The following MAP3K15 variants were observed in gnomAD, a reference collection of about 807,000 sequenced individuals.
MAP3K15 encodes the protein mitogen-activated protein kinase kinase kinase 15, also known as MAPK/ERK kinase kinase 15.
MAP3K15 carries 124 observed loss-of-function variants against 99.5 expected under a neutral mutation model. The observed-to-expected ratio is 1.25, with a 90% CI of 1.08 to 1.45. The LOEUF (loss-of-function observed/expected upper bound fraction) is 1.45. Ranked by LOEUF, MAP3K15 falls within the 40% of genes most tolerant of loss-of-function variation. The probability of loss-of-function intolerance (pLI) is 0.00; values close to 1 mark genes in which losing one functional copy is unlikely to be tolerated. For synonymous variants in MAP3K15, 494 were observed against 439.6 expected, an observed-to-expected ratio of 1.12 and a Z score of -1.55; for missense variants, 1,242 against 1,079.7, an observed-to-expected ratio of 1.15 and a Z score of -2.11.
intron 11 of MAP3K15, among the ~76,000 whole-genome samples, chrX:19,412,542 A>G (rs1433075179): frequency 9.0e-6 from 1 of 111,003 alleles, no homozygotes; most frequent in African/African-American, 3.3e-5. Flanking sequence ...CCGCAGGGAC[A>G]GCTCAGGGGC....
intron 1 of MAP3K15, among the ~76,000 whole-genome samples, chrX:19,507,075 T>C (rs1300314113): frequency 8.9e-6 from 1 of 111,793 alleles, no homozygotes; most frequent in Admixed American, 9.5e-5. Context: ...TTTAAGCAGT[T>C]AATAGCTAAC....
chrX:19,380,409 A>G lies in MAP3K15; in HGVS notation c.2432-132T>C, dbSNP rs866752787. ...CCAGGTGTTGGAGACCAGCCTGGACAATGTAACAAGACCTTGTCTCAAAAA... is the reference window on the plus strand; with the variant it reads ...CCAGGTGTTGGAGACCAGCCTGGACGATGTAACAAGACCTTGTCTCAAAAA... On this transcript the variant is annotated intron_variant, in intron 18 of 28. Coordinates refer to ENST00000338883, the MANE Select transcript of MAP3K15 (RefSeq NM_001001671.4). The G allele has an allele frequency of 4.8e-6, 3 of 619,273 alleles. No homozygotes were observed. The South Asian group carries it at 8.6e-5, about 18-fold the overall frequency. 51.0% of individuals were successfully genotyped at this position (619,273 alleles called of 1,213,427 possible). A position where few individuals can be genotyped will look rare whatever the true frequency, so the allele number is the denominator to read the frequency against.
intron 6 of MAP3K15, among the ~76,000 whole-genome samples, chrX:19,432,894 G>A (rs187706076): frequency 9.0e-6 from 1 of 110,819 alleles, no homozygotes; most frequent in East Asian, 2.9e-4. Context: ...TTTTTGTAAT[G>A]TTAATAGAGG....
chrX:19,364,571 A>G (rs1436528854), intron 25 of MAP3K15, among the ~76,000 whole-genome samples: 1 of 111,118 alleles, frequency 9.0e-6, no homozygotes, highest in Non-Finnish European at 1.9e-5. Flanking sequence ...TACGACTCTA[A>G]CTTTCCCTCC....
At chrX:19,413,515 C>T in intron 10 of MAP3K15, 51 bp from the exon 11 acceptor site, 2 of 967,593 alleles carry the variant, frequency 2.1e-6, no homozygotes, top group South Asian at 2.2e-5. Flanking sequence ...AAACATAGCG[C>T]ACCCTGCCCA....
chrX:19,401,782 T>C (rs895048537), intron 13 of MAP3K15, among the ~76,000 whole-genome samples: 2 of 112,335 alleles, frequency 1.8e-5, no homozygotes, highest in Non-Finnish European at 3.8e-5. Flanking sequence ...CAAGTCATCT[T>C]GACTCATTAG....
At chrX:19,457,958 G>C (rs1383637748) in intron 5 of MAP3K15, among the ~76,000 whole-genome samples, 1 of 111,978 alleles carries the variant, frequency 8.9e-6, no homozygotes, top group Non-Finnish European at 1.9e-5. Flanking sequence ...CTTGGGTTGA[G>C]AACCACTGCT....
rs1330351180 is a variant in MAP3K15, at chrX:19,371,017, G to A, written c.3342C>T (p.Phe1114=). The A allele has an allele frequency of 6.9e-6, 8 of 1,161,637 alleles. No individual in the cohort carries two copies. Among genetic ancestry groups the A allele is most frequent in the Non-Finnish European group, 9.1e-6 (8 of 878,867 alleles). Residue 1114 remains phenylalanine (F), a synonymous_variant, in exon 24 of 29, where the codon TTC becomes TTT. Coordinates refer to ENST00000338883, the MANE Select transcript of MAP3K15 (RefSeq NM_001001671.4). ...RNHLIRPHWM[F]AMDNIIRRAV... ...CTCGGCGGATGATGTTGTCCATCGC[G>A]AACATCCAGTGGGGCCTAATTAAGT...
intron 13 of MAP3K15, among the ~76,000 whole-genome samples, chrX:19,406,979 G>T (rs186126488): frequency 3.1e-3 from 346 of 112,422 alleles, no homozygotes; most frequent in African/African-American, 0.011. Flanking sequence ...GAGATTACAG[G>T]CGTGAGCTAC....
In MAP3K15 at chrX:19,371,518, A is replaced by G; in HGVS notation, c.3121T>C (p.Leu1041=). The G allele has an allele frequency of 8.4e-7, 1 of 1,193,855 alleles. No individual in the cohort carries two copies. Among genetic ancestry groups the G allele is most frequent in the Non-Finnish European group, 1.1e-6 (1 of 882,776 alleles). The change falls in exon 23 of 29, where the codon TTG becomes CTG. Residue 1041 remains leucine, a synonymous_variant. Coordinates refer to ENST00000338883, the MANE Select transcript of MAP3K15 (RefSeq NM_001001671.4). The part of the protein sequence containing the change: ...QECVAQSSEE[L]HLSVGHIKQI... ...TTGATGTGTCCAACTGAGAGATGCA[A>G]CTCTTCGGAACTCTGAAAACACACA...
intron 6 of MAP3K15, among the ~76,000 whole-genome samples, chrX:19,432,958 C>T (rs956611861): frequency 3.6e-5 from 4 of 112,174 alleles, no homozygotes; most frequent in African/African-American, 6.5e-5. Flanking sequence ...GTGATCCACC[C>T]GCCTTGGCCT....
intron 6 of MAP3K15, among the ~76,000 whole-genome samples, chrX:19,432,070 A>G (rs915061331): frequency 1.8e-5 from 2 of 109,167 alleles, no homozygotes; most frequent in Non-Finnish European, 3.8e-5. Flanking sequence ...TCATTTTCCA[A>G]TGTAGCCACT....
At chrX:19,474,375 T>G (rs757040077) in intron 3 of MAP3K15, among the ~76,000 whole-genome samples, 60 of 111,095 alleles carry the variant, frequency 5.4e-4, no homozygotes, top group African/African-American at 2.0e-3. Flanking sequence ...CTCATCTATC[T>G]AAACCTCAGT....
At chrX:19,396,831 T>C (rs903140668) in intron 15 of MAP3K15, among the ~76,000 whole-genome samples, 1 of 111,916 alleles carries the variant, frequency 8.9e-6, no homozygotes, top group Non-Finnish European at 1.9e-5. Flanking sequence ...CAACTGTGTA[T>C]GTAGCTTCTC....
chrX:19,481,041 G>C (rs1011304631), intron 3 of MAP3K15, among the ~76,000 whole-genome samples: 4 of 103,175 alleles, frequency 3.9e-5, no homozygotes, highest in Non-Finnish European at 7.8e-5. Flanking sequence ...CCTGAACCAG[G>C]GGAAGTCAAG....
At chrX:19,391,003 AC>A (rs1288420425) in intron 18 of MAP3K15, among the ~76,000 whole-genome samples, 3 of 111,914 alleles carry the variant, frequency 2.7e-5, no homozygotes, top group East Asian at 5.5e-4. Context: ...GTAGCTTTTG[AC>A]CATCATTCTA....
chrX:19,373,026 G>C lies in MAP3K15; in HGVS notation c.2934-199C>G, dbSNP rs1329810702. The C allele has an allele frequency of 1.4e-5, 5 of 353,260 alleles. No individual in the cohort carries two copies. The Admixed American group carries it at 2.0e-4, about 14-fold the overall frequency. The allele number at this position is 353,260 out of a possible 1,213,427, so 29.1% of individuals were successfully genotyped here. A position where few individuals can be genotyped will look rare whatever the true frequency, so the allele number is the denominator to read the frequency against. On this transcript the variant is annotated intron_variant, in intron 21 of 28. Transcript: ENST00000338883. The stretch of plus-strand genomic sequence containing the variant: ...ACAGCAGGAGGGAGAGCAGAAGGAG[G>C]GGGAGGCGGGGTAAAGGAGCCTCCC...
chrX:19,492,955 G>A (rs1345765399), intron 1 of MAP3K15, among the ~76,000 whole-genome samples: 2 of 111,190 alleles, frequency 1.8e-5, no homozygotes, highest in Non-Finnish European at 3.8e-5. Context: ...TGACAAGAGC[G>A]AAACTCTGTC....
At chrX:19,390,070 T>G (rs1178173653) in intron 18 of MAP3K15, among the ~76,000 whole-genome samples, 1 of 111,284 alleles carries the variant, frequency 9.0e-6, no homozygotes. Context: ...AGTCATTTTG[T>G]GATGTATTAA....
Sources: gnomAD v4.1 joint callset for allele counts (sites outside exome capture counted in the v4.1 genomes callset) on GRCh38, gnomAD v4.1.1 for gene constraint, MANE v1.5 for transcripts, NCBI Gene and HGNC (gene_info 2026-07-23, HGNC 2026-07-21) for gene names.